PANX1: variants seen among roughly 807,000 people sequenced by gnomAD.
PANX1 encodes the protein pannexin 1.
PANX1 carries 30 observed loss-of-function variants against 38.7 expected under a neutral mutation model. The observed-to-expected ratio is 0.78, with a 90% CI of 0.58 to 1.05. The LOEUF (loss-of-function observed/expected upper bound fraction) is 1.05, where lower values mean the gene tolerates loss of function less well. PANX1 is among the 50% of genes least tolerant of loss of function. The pLI is 0.00. For missense variants in PANX1, 551 were observed against 517.2 expected, an observed-to-expected ratio of 1.07 and a Z score of -0.63; for synonymous variants, 230 against 212.2, an observed-to-expected ratio of 1.08 and a Z score of -0.73.
intron 1 of PANX1, among the ~76,000 whole-genome samples, chr11:94,145,813 G>A (rs1946822856): frequency 6.6e-6 from 1 of 152,208 alleles, no homozygotes; most frequent in South Asian, 2.1e-4. Context: ...ACTGTTGGGA[G>A]CCAGGATTCT....
Position 94,167,007 on chromosome 11 carries a change from G to T in PANX1, c.322-11362G>T, listed in dbSNP as rs993960777. ...GGCCCTAAGTCACTTTAGTCAGTTG[G>T]TGGTGAAGCCAGCAGGAGTCACTTT... On this transcript the variant is annotated intron_variant, in intron 2 of 4. Coordinates refer to ENST00000227638, the MANE Select transcript of PANX1 (RefSeq NM_015368.4). 2.6e-5 allele frequency among the ~76,000 whole-genome samples: 4 copies of T among 152,194 alleles called. No individual in the cohort carries two copies. The East Asian group carries it at 7.7e-4, about 29-fold the overall frequency.
intron 2 of PANX1, among the ~76,000 whole-genome samples, chr11:94,157,191 T>A (rs1946960985): frequency 6.6e-6 from 1 of 152,114 alleles, no homozygotes; most frequent in Admixed American, 6.5e-5. Flanking sequence ...TAAACATACA[T>A]GTACATGTGT....
At chr11:94,153,423 A>C (rs1946908560) in intron 1 of PANX1, 68 bp from the exon 2 acceptor site, 1 of 1,555,320 alleles carries the variant, frequency 6.4e-7, no homozygotes, top group Admixed American at 1.7e-5. Flanking sequence ...AACTAAAAAC[A>C]TGTGAGATGG....
At position 94,168,752 on chromosome 11, in the gene PANX1, C is replaced by T. The variant is rs913305466; in HGVS notation, c.322-9617C>T. ...CTTGTGGCCAGATTTGGCTCAGGGG[C>T]AGCAGTTTGCTGATCCTTGGTCTAG... is the stretch of plus-strand genomic sequence containing the variant. On this transcript the variant is annotated intron_variant, in intron 2 of 4. Transcript: ENST00000227638. 2.0e-5 allele frequency among the ~76,000 whole-genome samples: 3 copies of T among 151,538 alleles called. 1 individual carries two copies. The highest frequency in any genetic ancestry group is 2.4e-5 in the African/African-American group (1 of 40,886).
At chr11:94,150,373 G>C (rs559695992) in intron 1 of PANX1, among the ~76,000 whole-genome samples, 1 of 152,308 alleles carries the variant, frequency 6.6e-6, no homozygotes, top group African/African-American at 2.4e-5. Context: ...GTTTAAACAG[G>C]TGGAGAAGGG....
chr11:94,141,866 TAAATA>T (rs1263880681), intron 1 of PANX1, among the ~76,000 whole-genome samples: 1 of 152,120 alleles, frequency 6.6e-6, no homozygotes, highest in Non-Finnish European at 1.5e-5. Flanking sequence ...GGGTGAGAAT[TAAATA>T]AATTAGCGCT....
At chr11:94,138,172 C>T (rs1370714791) in intron 1 of PANX1, among the ~76,000 whole-genome samples, 1 of 152,124 alleles carries the variant, frequency 6.6e-6, no homozygotes, top group Non-Finnish European at 1.5e-5. Flanking sequence ...GGATACTTCT[C>T]CCCGCAGCTG....
intron 1 of PANX1, among the ~76,000 whole-genome samples, chr11:94,153,124 C>T (rs1946902986): frequency 6.6e-6 from 1 of 152,174 alleles, no homozygotes; most frequent in Non-Finnish European, 1.5e-5. Context: ...CTCACTGACC[C>T]TCCCACATAA....
chr11:94,153,801 G>A (rs935961590), intron 2 of PANX1, among the ~76,000 whole-genome samples, 171 bp downstream of exon 2: 2 of 152,214 alleles, frequency 1.3e-5, no homozygotes, highest in Non-Finnish European at 2.9e-5. Context: ...ATGACTTGGT[G>A]TAGGCACCAT....
intron 1 of PANX1, among the ~76,000 whole-genome samples, chr11:94,152,088 C>T (rs1946888642): frequency 1.5e-5 from 2 of 137,390 alleles, no homozygotes; most frequent in Admixed American, 1.4e-4. Context: ...AATCCAGCTC[C>T]GTAACTTCCC....
chr11:94,150,780 G>A (rs779087199), intron 1 of PANX1, among the ~76,000 whole-genome samples: 8 of 152,156 alleles, frequency 5.3e-5, no homozygotes, highest in Non-Finnish European at 1.0e-4. Context: ...AATACCTGGG[G>A]ATTGATGTGT....
At chr11:94,172,197 T>G (rs1947177783) in intron 2 of PANX1, among the ~76,000 whole-genome samples, 1 of 151,540 alleles carries the variant, frequency 6.6e-6, no homozygotes, top group Non-Finnish European at 1.5e-5. Context: ...TCTAGGCCAT[T>G]AGGTTGGAGC....
rs1363376452 is a variant in PANX1 at position 94,180,883 on chromosome 11, T to C, written c.*14T>C. 4.0e-6 allele frequency: 6 copies of C among 1,499,108 alleles called. No homozygotes were observed. In the Admixed American group the frequency reaches 1.0e-4, roughly 25 times the overall value. 92.9% of individuals were successfully genotyped at this position (1,499,108 alleles called of 1,614,324 possible). ...TCTTCTTGCTGATGATTTTTTTCCTTGAGCTGTAAATCTGTGACTTCTGCG... is the reference window on the plus strand; with the variant it reads ...TCTTCTTGCTGATGATTTTTTTCCTCGAGCTGTAAATCTGTGACTTCTGCG... On this transcript the variant is annotated 3_prime_UTR_variant, in exon 5 of 5. Transcript: ENST00000227638.
intron 2 of PANX1, among the ~76,000 whole-genome samples, chr11:94,157,098 G>A (rs1188667330): frequency 6.6e-6 from 1 of 152,010 alleles, no homozygotes; most frequent in Admixed American, 6.6e-5. Context: ...TGGTGTATAT[G>A]TGCCACATTT....
chr11:94,153,614 C>T lies in PANX1; in HGVS notation c.305C>T (p.Pro102Leu), dbSNP rs1946911389. 1.2e-6 allele frequency: 2 copies of T among 1,613,800 alleles called. No homozygotes were observed. Among genetic ancestry groups the T allele is most frequent in the Non-Finnish European group, 1.7e-6 (2 of 1,179,846 alleles). ...CTGCAGAGCGAGTCTGGAAACCTCC[C>T]ACTGTGGCTGCATAAGGTAAAGGGA... ...NSLQSESGNL[P>L]LWLHKFFPYI... is the part of the protein sequence containing the mutation. Residue 102 changes from proline (P) to leucine (L), a missense_variant, in exon 2 of 5, where the codon CCA (proline) becomes CTA (leucine). Transcript: ENST00000227638.
intron 1 of PANX1, among the ~76,000 whole-genome samples, chr11:94,135,901 A>G (rs1946683191): frequency 6.6e-6 from 1 of 152,118 alleles, no homozygotes. Flanking sequence ...ATGTTTGGAG[A>G]GCTTTCCGTG....
intron 1 of PANX1, among the ~76,000 whole-genome samples, chr11:94,145,155 T>C (rs561472085): frequency 1.3e-5 from 2 of 152,322 alleles, no homozygotes; most frequent in African/African-American, 4.8e-5. Flanking sequence ...AAGAGGACTA[T>C]AGCGTGTACG....
chr11:94,153,515 C>T lies in PANX1; in HGVS notation c.206C>T (p.Pro69Leu). Residue 69 changes from proline to leucine, a missense_variant, in exon 2 of 5, where the codon CCA (proline) becomes CTA (leucine). Pro to Leu is a moderately conservative substitution (Grantham distance 98, BLOSUM62 -3). Transcript: ENST00000227638. ...GGTACACAGATAAGCTGTTTCTCTC[C>T]AAGTTCTTTCTCCTGGCGTCAGGCT... ...SIGTQISCFS[P>L]SSFSWRQAAF... is the part of the protein sequence containing the mutation. The T allele has an allele frequency of 6.2e-7, 1 of 1,614,082 alleles. No individual in the cohort carries two copies. Among genetic ancestry groups the T allele is most frequent in the Non-Finnish European group, 8.5e-7 (1 of 1,179,998 alleles).
intron 1 of PANX1, among the ~76,000 whole-genome samples, chr11:94,130,087 C>A (rs1416892974): frequency 6.6e-6 from 1 of 152,246 alleles, no homozygotes; most frequent in Non-Finnish European, 1.5e-5. Context: ...TGTAAATTAT[C>A]ATTTGAGCTT....
Sources: allele counts gnomAD v4.1 joint callset (sites outside exome capture counted in the v4.1 genomes callset), GRCh38; gene constraint gnomAD v4.1.1; transcripts MANE v1.5; gene names NCBI Gene and HGNC (gene_info 2026-07-23, HGNC 2026-07-21).